The following PKNOX2 variants were observed in gnomAD, a reference collection of about 807,000 sequenced individuals.
The protein encoded by PKNOX2 is homeobox protein PKNOX2.
In PKNOX2, 14 loss-of-function variants were observed where a neutral mutation model predicts 53.1. The observed-to-expected ratio is 0.26, with a 90% CI of 0.17 to 0.41. PKNOX2 has a LOEUF of 0.41. Ranked by LOEUF, PKNOX2 falls within the 10% of genes least tolerant of loss-of-function variation. The pLI, the probability that PKNOX2 is intolerant of heterozygous loss-of-function variation, is 1.00. For synonymous variants in PKNOX2, 257 were observed against 242.8 expected (o/e 1.06, Z -0.54); for missense variants, 496 against 602.8 (o/e 0.82, Z 1.85).
intron 1 of PKNOX2, among the ~76,000 whole-genome samples, chr11:125,195,320 C>T (rs1957113762): frequency 6.6e-6 from 1 of 152,158 alleles, no homozygotes; most frequent in South Asian, 2.1e-4. Flanking sequence ...CTTACTCGTT[C>T]AAGACACGTG....
At chr11:125,332,880 C>A (rs1445987481) in intron 3 of PKNOX2, among the ~76,000 whole-genome samples, 1 of 152,102 alleles carries the variant, frequency 6.6e-6, no homozygotes, top group Non-Finnish European at 1.5e-5. Context: ...ATTTAGAGGT[C>A]CACATGTCTG....
intron 1 of PKNOX2, chr11:125,190,113 A>T (rs1956790032): frequency 1.3e-5 from 2 of 152,064 alleles, no homozygotes; most frequent in African/African-American, 4.8e-5. Flanking sequence ...TTTAGTAGAG[A>T]TGGGGTTTCA....
intron 1 of PKNOX2, among the ~76,000 whole-genome samples, chr11:125,210,199 A>G (rs965971229): frequency 3.3e-5 from 5 of 152,126 alleles, no homozygotes; most frequent in African/African-American, 9.6e-5. Flanking sequence ...AGTCCTGAAG[A>G]GTCCATCCCA....
intron 1 of PKNOX2, among the ~76,000 whole-genome samples, chr11:125,210,750 C>A (rs978564396): frequency 1.3e-5 from 2 of 152,100 alleles, no homozygotes; most frequent in African/African-American, 4.8e-5. Flanking sequence ...CCGCCTCCTA[C>A]TTCTGGGAAA....
chr11:125,384,695 A>G (rs1480613076), intron 5 of PKNOX2, among the ~76,000 whole-genome samples: 1 of 152,122 alleles, frequency 6.6e-6, no homozygotes, highest in Non-Finnish European at 1.5e-5. Flanking sequence ...AAAAAAAACA[A>G]AAAGATCCAT....
At chr11:125,200,593 T>TC (rs976257245) in intron 1 of PKNOX2, among the ~76,000 whole-genome samples, 4 of 152,140 alleles carry the variant, frequency 2.6e-5, no homozygotes, top group African/African-American at 9.7e-5. Flanking sequence ...TCCCGCCGGT[T>TC]CCCAACCTCC....
At chr11:125,405,870 GTTT>G (rs1406223074) in intron 7 of PKNOX2, among the ~76,000 whole-genome samples, 1 of 152,222 alleles carries the variant, frequency 6.6e-6, no homozygotes, top group African/African-American at 2.4e-5. Context: ...GCCTCAGGCA[GTTT>G]CCAGAGGCTT....
intron 6 of PKNOX2, among the ~76,000 whole-genome samples, chr11:125,390,218 C>T (rs575852956): frequency 1.3e-5 from 2 of 152,362 alleles, no homozygotes; most frequent in East Asian, 3.9e-4. Flanking sequence ...ATTTAATCCT[C>T]TTTCTAAACC....
At chr11:125,367,096 T>C (rs770057435) in intron 4 of PKNOX2, among the ~76,000 whole-genome samples, 1 of 152,198 alleles carries the variant, frequency 6.6e-6, no homozygotes, top group African/African-American at 2.4e-5. Context: ...TGAAACTCCA[T>C]AGTGATGGTT....
intron 1 of PKNOX2, among the ~76,000 whole-genome samples, chr11:125,221,438 A>G (rs2135499867): frequency 6.6e-6 from 1 of 152,318 alleles, no homozygotes; most frequent in East Asian, 1.9e-4. Context: ...GCAGTCTGCT[A>G]AGCAGCCCAC....
chr11:125,367,920 A>T lies in PKNOX2; in HGVS notation c.162A>T (p.Thr54=). ...CTGCCCCCTCAGCTGCTGCCAGCAC[A>T]CCTGTGCCCAGTGCCCCCATCGACC... The part of the protein sequence containing the change: ...HISAPSAAAS[T]PVPSAPIDPQ... Residue 54 remains threonine (T), a synonymous_variant, in exon 5 of 13, where the codon ACA becomes ACT. Transcript: ENST00000298282. 3 of 1,613,438 alleles carry T rather than the reference A, an allele frequency of 1.9e-6. No individual in the cohort carries two copies. The highest frequency in any genetic ancestry group is 2.5e-6 in the Non-Finnish European group (3 of 1,179,800).
At chr11:125,390,170 G>A (rs910988703) in intron 6 of PKNOX2, among the ~76,000 whole-genome samples, 20 of 152,216 alleles carry the variant, frequency 1.3e-4, no homozygotes, top group Non-Finnish European at 2.8e-4. Context: ...CTTACCAGGT[G>A]CCGGGTACCG....
chr11:125,338,259 A>T (rs1217301047), intron 3 of PKNOX2, among the ~76,000 whole-genome samples: 1 of 152,168 alleles, frequency 6.6e-6, no homozygotes, highest in African/African-American at 2.4e-5. Context: ...CTGCTAGTGA[A>T]ATCATCCCTG....
chr11:125,211,309 T>G (rs1358253661), intron 1 of PKNOX2, among the ~76,000 whole-genome samples: 3 of 152,102 alleles, frequency 2.0e-5, no homozygotes, highest in Non-Finnish European at 4.4e-5. Flanking sequence ...GAAGGATGTA[T>G]TTTTATGTAT....
At chr11:125,379,552 G>A (rs898529875) in intron 5 of PKNOX2, among the ~76,000 whole-genome samples, 2 of 152,132 alleles carry the variant, frequency 1.3e-5, no homozygotes, top group Non-Finnish European at 2.9e-5. Context: ...TCTTGAGGTG[G>A]GGAGGAATAT....
intron 2 of PKNOX2, among the ~76,000 whole-genome samples, chr11:125,293,147 G>A (rs1434112079): frequency 6.6e-6 from 1 of 152,062 alleles, no homozygotes; most frequent in East Asian, 1.9e-4. Context: ...GGGGTGGGGT[G>A]GACGAATGGG....
chr11:125,330,729 G>A (rs1950090996), intron 2 of PKNOX2, among the ~76,000 whole-genome samples: 1 of 152,002 alleles, frequency 6.6e-6, no homozygotes, highest in Non-Finnish European at 1.5e-5. Context: ...CCAGAAGGGA[G>A]GTGAGAAAGT....
chr11:125,253,413 G>T (rs1398980875), intron 2 of PKNOX2, among the ~76,000 whole-genome samples: 1 of 152,150 alleles, frequency 6.6e-6, no homozygotes, highest in Non-Finnish European at 1.5e-5. Context: ...GCTGGCCAGA[G>T]CCTGTTTGGG....
chr11:125,254,931 A>T (rs1162487171), intron 2 of PKNOX2, among the ~76,000 whole-genome samples: 1 of 152,204 alleles, frequency 6.6e-6, no homozygotes, highest in African/African-American at 2.4e-5. Context: ...GAATGGAGCT[A>T]AGTGGAAAAT....
Sources: gnomAD v4.1 joint callset for allele counts (sites outside exome capture counted in the v4.1 genomes callset) on GRCh38, gnomAD v4.1.1 for gene constraint, MANE v1.5 for transcripts, NCBI Gene and HGNC (gene_info 2026-07-23, HGNC 2026-07-21) for gene names.